The following PCDHGB2 variants were observed in gnomAD, a reference collection of about 807,000 sequenced individuals.
PCDHGB2 encodes the protein protocadherin gamma subfamily B, 2, also known as protocadherin gamma-B2.
A neutral mutation model predicts 59.3 loss-of-function variants in PCDHGB2; 55 were observed. The observed-to-expected ratio is 0.93, with a 90% CI of 0.75 to 1.16. The LOEUF (loss-of-function observed/expected upper bound fraction) is 1.16, where lower values mean the gene tolerates loss of function less well. PCDHGB2 is among the 50% of genes most tolerant of loss of function. The probability of loss-of-function intolerance (pLI) is 0.00; values close to 1 mark genes in which losing one functional copy is unlikely to be tolerated. For missense variants in PCDHGB2, 1,228 were observed against 1,198.5 expected (o/e 1.02, Z -0.36); for synonymous variants, 516 against 512.0 (o/e 1.01, Z -0.11).
intron 3 of PCDHGB2, among the ~76,000 whole-genome samples, chr5:141,506,833 C>A (rs1462038297): frequency 1.3e-5 from 2 of 152,092 alleles, no homozygotes; most frequent in African/African-American, 4.8e-5. Context: ...AACTGATAGC[C>A]CTGCCCTCCA....
At chr5:141,506,669 A>C (rs1293213848) in intron 3 of PCDHGB2, among the ~76,000 whole-genome samples, 1 of 152,198 alleles carries the variant, frequency 6.6e-6, no homozygotes, top group African/African-American at 2.4e-5. Flanking sequence ...GTAAGGGCAC[A>C]ATATATTATT....
intron 1 of PCDHGB2, among the ~76,000 whole-genome samples, chr5:141,463,641 C>T (rs182957065): frequency 2.0e-5 from 3 of 151,734 alleles, no homozygotes; most frequent in African/African-American, 7.2e-5. Context: ...TTAGTAGAGA[C>T]GGGGTTTCAC....
intron 1 of PCDHGB2, chr5:141,415,888 T>C: frequency 1.1e-6 from 1 of 940,220 alleles, no homozygotes; most frequent in South Asian, 2.9e-5. Flanking sequence ...ATATTGACAA[T>C]TCCTAAGACA....
chr5:141,384,998 T>A, intron 1 of PCDHGB2: 1 of 1,614,130 alleles, frequency 6.2e-7, no homozygotes, highest in East Asian at 2.2e-5. Flanking sequence ...GTGGCCACAG[T>A]CTCCTGCGTC....
chr5:141,414,862 G>A (rs763491057), intron 1 of PCDHGB2: 1 of 1,614,226 alleles, frequency 6.2e-7, no homozygotes, highest in Non-Finnish European at 8.5e-7. Context: ...GAACGACAAT[G>A]CGCCCGAGAT....
At chr5:141,464,556 G>A (rs1158827360) in intron 1 of PCDHGB2, among the ~76,000 whole-genome samples, 4 of 151,990 alleles carry the variant, frequency 2.6e-5, no homozygotes, top group Admixed American at 6.6e-5. Flanking sequence ...TCCCCATCTT[G>A]CATTCCTACA....
At chr5:141,385,018 T>TTCGTCC in intron 1 of PCDHGB2, 1 of 1,614,144 alleles carries the variant, frequency 6.2e-7, no homozygotes, top group Non-Finnish European at 8.5e-7. Flanking sequence ...CTTCCTAGCC[T>TTCGTCC]TCGTCCTCGT....
intron 1 of PCDHGB2, among the ~76,000 whole-genome samples, chr5:141,483,361 A>C (rs752805137): frequency 4.6e-5 from 7 of 152,102 alleles, no homozygotes; most frequent in Non-Finnish European, 7.4e-5. Flanking sequence ...TTTGAAAGCT[A>C]TTGCAATATT....
At chr5:141,438,949 A>G (rs538626951) in intron 1 of PCDHGB2, among the ~76,000 whole-genome samples, 1 of 152,170 alleles carries the variant, frequency 6.6e-6, no homozygotes, top group East Asian at 1.9e-4. Flanking sequence ...TATAGGCATG[A>G]GCCACCGCAC....
chr5:141,489,915 C>T lies in PCDHGB2; in HGVS notation c.2422-4892C>T, dbSNP rs971312502. On this transcript the variant is annotated intron_variant, in intron 1 of 3. Coordinates refer to ENST00000522605, the MANE Select transcript of PCDHGB2 (RefSeq NM_018923.3). This position sits in a 1 kb window ranked among gnomAD's most constrained non-coding sequence, Gnocchi z 4.5. ...GGGGGACCCCAGCCCGCTCAGGGAC[C>T]ACCCTTATCTCTGTCATCGTGCTGG... The T allele has an allele frequency of 6.2e-7, 1 of 1,614,242 alleles. No individual in the cohort carries two copies. Among genetic ancestry groups the T allele is most frequent in the Non-Finnish European group, 8.5e-7 (1 of 1,180,044 alleles).
At chr5:141,510,408 T>C (rs1447722710) in intron 3 of PCDHGB2, among the ~76,000 whole-genome samples, 1 of 151,878 alleles carries the variant, frequency 6.6e-6, no homozygotes, top group African/African-American at 2.4e-5. Flanking sequence ...GCTAGGGGCA[T>C]GTAAAGCCAT....
At chr5:141,399,107 G>A in intron 1 of PCDHGB2, 1 of 1,613,794 alleles carries the variant, frequency 6.2e-7, no homozygotes, top group Non-Finnish European at 8.5e-7. Flanking sequence ...GTTGCACAAT[G>A]TACAGTTGAA....
At chr5:141,474,148 A>G (rs773360112) in intron 1 of PCDHGB2, among the ~76,000 whole-genome samples, 4 of 152,244 alleles carry the variant, frequency 2.6e-5, no homozygotes, top group Non-Finnish European at 5.9e-5. Context: ...CTTATTATCA[A>G]GAAAATGACA....
intron 1 of PCDHGB2, among the ~76,000 whole-genome samples, chr5:141,463,460 T>TTTC (rs1554144872): frequency 7.4e-6 from 1 of 136,038 alleles, no homozygotes; most frequent in South Asian, 2.5e-4. Context: ...TTTTTTTTTT[T>TTTC]TTTTTTGAGA....
In PCDHGB2 at chr5:141,365,449, T is replaced by C. The variant is rs546328235; in HGVS notation, c.2421+2893T>C. The C allele has an allele frequency of 6.1e-5, 99 of 1,614,052 alleles. 1 individual carries two copies. The East Asian group carries it at 2.2e-3, about 35-fold the overall frequency. On this transcript the variant is annotated intron_variant, in intron 1 of 3. Transcript: ENST00000522605. Reference sequence around the variant, plus strand: ...TAATCGCGCTGTTTAGCGTACATGATGGTGATTCTGGAGAAAATGGTGAGA... The same window carrying C: ...TAATCGCGCTGTTTAGCGTACATGACGGTGATTCTGGAGAAAATGGTGAGA...
chr5:141,400,030 C>G (rs201599536), intron 1 of PCDHGB2: 3 of 1,613,050 alleles, frequency 1.9e-6, no homozygotes, highest in Non-Finnish European at 2.5e-6. Flanking sequence ...GGACGCGGCC[C>G]GCCAGCGCCT....
At position 141,486,038 on chromosome 5, in the gene PCDHGB2, G is replaced by T; in HGVS notation, c.2422-8769G>T. The stretch of plus-strand genomic sequence containing the variant: ...TTTCAGTGGTCATACCCCTGATCGT[G>T]TAAGAAACCTCTTTAGCCTGCACCC... On this transcript the variant is annotated intron_variant, in intron 1 of 3. Coordinates refer to ENST00000522605, the MANE Select transcript of PCDHGB2 (RefSeq NM_018923.3). This position sits in a 1 kb window ranked among gnomAD's most constrained non-coding sequence, Gnocchi z 5.0. The T allele has an allele frequency of 3.1e-6, 5 of 1,614,184 alleles. No individual in the cohort carries two copies. Among genetic ancestry groups the T allele is most frequent in the Non-Finnish European group, 4.2e-6 (5 of 1,180,018 alleles).
At chr5:141,430,811 A>G (rs1193066300) in intron 1 of PCDHGB2, 1 of 1,527,400 alleles carries the variant, frequency 6.5e-7, no homozygotes. Flanking sequence ...CCTGCTGGGA[A>G]TCCTCCTGGG....
At chr5:141,409,163 G>A in intron 1 of PCDHGB2, 1 of 1,614,026 alleles carries the variant, frequency 6.2e-7, no homozygotes. Context: ...GGAAGTGGAA[G>A]CGAAGGACGG....
Sources: allele counts gnomAD v4.1 joint callset (sites outside exome capture counted in the v4.1 genomes callset), GRCh38; gene constraint gnomAD v4.1.1; non-coding constraint Gnocchi (gnomAD v3.1); transcripts MANE v1.5; gene names NCBI Gene and HGNC (gene_info 2026-07-23, HGNC 2026-07-21).